MAP2K2: variants seen among roughly 807,000 people sequenced by gnomAD.
MAP2K2 encodes dual specificity mitogen-activated protein kinase kinase 2.
Under a neutral mutation model 43.7 loss-of-function variants are expected in MAP2K2, and 24 were observed. The observed-to-expected ratio is 0.55, with a 90% CI of 0.40 to 0.77. The LOEUF is 0.77. MAP2K2 is among the 30% of genes least tolerant of loss of function. The pLI, the probability that MAP2K2 is intolerant of heterozygous loss-of-function variation, is 0.00. For synonymous variants in MAP2K2, 244 were observed against 239.7 expected (o/e 1.02, Z -0.17); for missense variants, 470 against 566.8 (o/e 0.83, Z 1.73).
At chr19:4,102,706 T>C in intron 3 of MAP2K2, 1 of 1,199,632 alleles carries the variant, frequency 8.3e-7, no homozygotes, top group South Asian at 1.5e-5. Context: ...TCGAATCAGT[T>C]GCGTGACTCG....
intron 9 of MAP2K2, 69 bp downstream of exon 9, chr19:4,095,319 A>G (rs1198295841): frequency 6.9e-7 from 1 of 1,441,304 alleles, no homozygotes; most frequent in African/African-American, 1.4e-5. Context: ...CACGGGCCCC[A>G]CCCAGGACCC....
chr19:4,107,982 A>G (rs549729360), intron 3 of MAP2K2, among the ~76,000 whole-genome samples: 1 of 152,266 alleles, frequency 6.6e-6, no homozygotes, highest in East Asian at 1.9e-4. Flanking sequence ...CCGGACGCCC[A>G]TCCTCAGCCC....
intron 9 of MAP2K2, chr19:4,094,815 G>A (rs2040892842): frequency 2.2e-6 from 1 of 463,236 alleles, no homozygotes; most frequent in South Asian, 2.6e-5. Context: ...CCCAGGCCCG[G>A]GGCAACATCG....
In MAP2K2 at chr19:4,094,710, C is replaced by T. The variant is rs559885829; in HGVS notation, c.1047-212G>A. 2,033 of 577,892 alleles carry T rather than the reference C, an allele frequency of 3.5e-3. 7 individuals are homozygous for T. The highest frequency in any genetic ancestry group is 4.3e-3 in the Non-Finnish European group (1,368 of 321,246). 35.8% of individuals were successfully genotyped at this position (577,892 alleles called of 1,614,324 possible). On this transcript the variant is annotated intron_variant, in intron 9 of 10. Transcript: ENST00000262948. ...GCACTTTGGTGCCAGGGGCAGGACA[C>T]CCCCCAGCGGGAGGGTGAGAGGGAA...
chr19:4,109,259 A>C (rs898099618), intron 3 of MAP2K2, among the ~76,000 whole-genome samples: 23 of 151,708 alleles, frequency 1.5e-4, no homozygotes, highest in Admixed American at 4.6e-4. Context: ...AATCTCACCC[A>C]CTTCTGGGCT....
intron 2 of MAP2K2, 48 bp downstream of exon 2, chr19:4,117,371 G>A (rs1599306961): frequency 6.4e-7 from 1 of 1,567,134 alleles, no homozygotes; most frequent in Admixed American, 1.7e-5. Flanking sequence ...TGTTTCCAGG[G>A]GGACCTTCCC....
At chr19:4,116,149 G>C (rs1456727441) in intron 2 of MAP2K2, among the ~76,000 whole-genome samples, 1 of 152,176 alleles carries the variant, frequency 6.6e-6, no homozygotes, top group Non-Finnish European at 1.5e-5. Context: ...TTTAAGATGT[G>C]ATTAACCTTT....
In MAP2K2 at chr19:4,101,899, G is replaced by A. The variant is rs1268378592; in HGVS notation, c.528+477C>T. On this transcript the variant is annotated intron_variant, in intron 4 of 10. Coordinates refer to ENST00000262948, the MANE Select transcript of MAP2K2 (RefSeq NM_030662.4). The surrounding 1 kb of genome is among the most constrained non-coding windows in gnomAD (Gnocchi z 6.3). Reference sequence around the variant, plus strand: ...AGGTGCAAGCTCCAAGAAGCAACACGCACGGTCTGCTGAAACCACACGGCT... The same window carrying A: ...AGGTGCAAGCTCCAAGAAGCAACACACACGGTCTGCTGAAACCACACGGCT... 1.3e-5 allele frequency among the ~76,000 whole-genome samples: 2 copies of A among 152,156 alleles called. No individual in the cohort carries two copies. Among genetic ancestry groups the A allele is most frequent in the Admixed American group, 6.5e-5 (1 of 15,268 alleles).
At chr19:4,098,992 C>T (rs896335040) in intron 7 of MAP2K2, among the ~76,000 whole-genome samples, 11 of 152,252 alleles carry the variant, frequency 7.2e-5, no homozygotes, top group African/African-American at 1.4e-4. Context: ...GCAGCTGCCC[C>T]GGACAGAACA....
chr19:4,121,531 AC>A (rs1170920840), intron 1 of MAP2K2, among the ~76,000 whole-genome samples: 1 of 111,754 alleles, frequency 8.9e-6, no homozygotes, highest in Non-Finnish European at 1.8e-5. Flanking sequence ...CCAACATGAG[AC>A]CCCTAGGACC....
At chr19:4,097,524 T>G (rs568294442) in intron 7 of MAP2K2, among the ~76,000 whole-genome samples, 181 bp from the exon 8 acceptor site, 1 of 152,114 alleles carries the variant, frequency 6.6e-6, no homozygotes, top group African/African-American at 2.4e-5. Context: ...TTCCATTCCC[T>G]GGGACAGCTA....
rs1057519810 is a variant in MAP2K2, at chr19:4,117,619, C to A, written c.103G>T (p.Val35Leu). The change falls in exon 2 of 11, where the codon GTG becomes TTG. Residue 35 changes from valine to leucine, a missense_variant. Coordinates refer to ENST00000262948, the MANE Select transcript of MAP2K2 (RefSeq NM_030662.4). The part of the protein sequence containing the change: ...TSEGASEANL[V>L]DLQKKLEELE... ...TCCTCCAGCTTCTTCTGCAGGTCCACCAGGTTTGCCCTGCAGAGACCCCCC... is the reference window on the plus strand; with the variant it reads ...TCCTCCAGCTTCTTCTGCAGGTCCAACAGGTTTGCCCTGCAGAGACCCCCC... 9.9e-6 allele frequency: 16 copies of A among 1,613,966 alleles called. No homozygotes were observed. The highest frequency in any genetic ancestry group is 1.4e-5 in the Non-Finnish European group (16 of 1,180,022).
At chr19:4,091,948 C>A (rs1245553498) in intron 10 of MAP2K2, among the ~76,000 whole-genome samples, 1 of 152,200 alleles carries the variant, frequency 6.6e-6, no homozygotes, top group Admixed American at 6.6e-5. Context: ...TGTGCCCGGC[C>A]CCACTGAACA....
In MAP2K2 at chr19:4,115,465, C is replaced by T. The variant is rs2041208752; in HGVS notation, c.303+1954G>A. On this transcript the variant is annotated intron_variant, in intron 2 of 10. Coordinates refer to ENST00000262948, the MANE Select transcript of MAP2K2 (RefSeq NM_030662.4). The surrounding 1 kb of genome is among the most constrained non-coding windows in gnomAD (Gnocchi z 4.1). Reference sequence around the variant, plus strand: ...TCCCTGGCACACACGAGGACTGGCACTGTCTCAAGGCCCTGCTGTGGCTGT... The same window carrying T: ...TCCCTGGCACACACGAGGACTGGCATTGTCTCAAGGCCCTGCTGTGGCTGT... Among the ~76,000 whole-genome samples, 1 of 152,246 alleles carries T rather than the reference C, an allele frequency of 6.6e-6. No homozygotes were observed. The highest frequency in any genetic ancestry group is 6.5e-5 in the Admixed American group (1 of 15,288).
At position 4,101,997 on chromosome 19, in the gene MAP2K2, G is replaced by A. The variant is rs1344245823; in HGVS notation, c.528+379C>T. ...CCCGGTGACATTTCTAACAGCAATGGTGAGTGTGTCTGGAGGTCCTGGCGT... is the reference window on the plus strand; with the variant it reads ...CCCGGTGACATTTCTAACAGCAATGATGAGTGTGTCTGGAGGTCCTGGCGT... On this transcript the variant is annotated intron_variant, in intron 4 of 10. Coordinates refer to ENST00000262948, the MANE Select transcript of MAP2K2 (RefSeq NM_030662.4). The surrounding 1 kb of genome is among the most constrained non-coding windows in gnomAD (Gnocchi z 6.3). Among the ~76,000 whole-genome samples the A allele has an allele frequency of 2.0e-5, 3 of 152,160 alleles. No homozygotes were observed.
chr19:4,117,244 C>G (rs897370546), intron 2 of MAP2K2, among the ~76,000 whole-genome samples, 175 bp downstream of exon 2: 15 of 152,092 alleles, frequency 9.9e-5, no homozygotes, highest in Admixed American at 9.8e-4. Context: ...TGGCACGGCT[C>G]CCATCTGCCC....
intron 2 of MAP2K2, among the ~76,000 whole-genome samples, chr19:4,113,938 T>C (rs915406505): frequency 6.6e-6 from 1 of 152,174 alleles, no homozygotes; most frequent in African/African-American, 2.4e-5. Flanking sequence ...AAGCTGGATG[T>C]AGCCAAGAGT....
At chr19:4,118,433 G>C (rs1002190770) in intron 1 of MAP2K2, among the ~76,000 whole-genome samples, 1 of 152,170 alleles carries the variant, frequency 6.6e-6, no homozygotes, top group Admixed American at 6.6e-5. Context: ...AGCTGCATCA[G>C]GTAGGCACGG....
rs777670871 is a variant in MAP2K2, at chr19:4,110,608, G to A, written c.351C>T (p.Arg117=). ...IKPAIRNQII[R]ELQVLHECNS... ...TGCATTCGTGCAGGACCTGCAGCTCGCGGATGATCTGGTTCCGGATGGCCG... is the reference window on the plus strand; with the variant it reads ...TGCATTCGTGCAGGACCTGCAGCTCACGGATGATCTGGTTCCGGATGGCCG... The change falls in exon 3 of 11, where the codon CGC becomes CGT. Residue 117 remains arginine (R), a synonymous_variant. Transcript: ENST00000262948. 3.1e-6 allele frequency: 5 copies of A among 1,613,782 alleles called. No homozygotes were observed. Among genetic ancestry groups the A allele is most frequent in the Admixed American group, 1.7e-5 (1 of 59,992 alleles).
Sources: gnomAD v4.1 joint callset for allele counts (sites outside exome capture counted in the v4.1 genomes callset) on GRCh38, gnomAD v4.1.1 for gene constraint, Gnocchi (gnomAD v3.1) non-coding constraint, MANE v1.5 for transcripts, NCBI Gene and HGNC (gene_info 2026-07-23, HGNC 2026-07-21) for gene names.